TTC39B: variants seen among roughly 807,000 people sequenced by gnomAD.
The protein encoded by TTC39B is tetratricopeptide repeat domain 39B.
TTC39B carries 92 observed loss-of-function variants against 96.6 expected under a neutral mutation model. The ratio of observed to expected loss-of-function variants is 0.95; its 90% CI spans 0.80 to 1.13. The LOEUF is 1.13. TTC39B is among the 50% of genes most tolerant of loss of function. TTC39B has a pLI of 0.00. For missense variants in TTC39B, 955 were observed against 809.3 expected, an observed-to-expected ratio of 1.18 and a Z score of -2.18; for synonymous variants, 367 against 299.4, an observed-to-expected ratio of 1.23 and a Z score of -2.33.
chr9:15,225,484 C>A (rs77449133), intron 3 of TTC39B, among the ~76,000 whole-genome samples: 2,629 of 152,086 alleles, frequency 0.017, 72 homozygotes, highest in African/African-American at 0.06. Flanking sequence ...ATGGTTACAA[C>A]TGTATCAAGA....
At chr9:15,274,321 T>A (rs1823460904) in intron 1 of TTC39B, among the ~76,000 whole-genome samples, 1 of 152,240 alleles carries the variant, frequency 6.6e-6, no homozygotes, top group Admixed American at 6.5e-5. Context: ...CAAAAAGTAG[T>A]CCATGGCCTT....
intron 1 of TTC39B, among the ~76,000 whole-genome samples, chr9:15,293,376 G>C (rs1404159701): frequency 6.6e-6 from 1 of 152,192 alleles, no homozygotes; most frequent in Non-Finnish European, 1.5e-5. Flanking sequence ...GCACCTGGAG[G>C]TGGGCTGGTA....
chr9:15,213,810 A>T (rs1820344470), intron 4 of TTC39B, among the ~76,000 whole-genome samples: 1 of 152,150 alleles, frequency 6.6e-6, no homozygotes. Flanking sequence ...TCAAAGGAAA[A>T]TTTTCTCAAT....
intron 5 of TTC39B, 101 bp from the exon 6 acceptor site, chr9:15,210,265 A>G (rs1288499289): frequency 2.6e-6 from 2 of 758,730 alleles, no homozygotes; most frequent in East Asian, 2.7e-5. Flanking sequence ...CACACCAAAG[A>G]GTCAAAAAGC....
At position 15,175,206 on chromosome 9, in the gene TTC39B, A is replaced by G. The variant is rs561907213; in HGVS notation, c.1842-71T>C. 1.4e-5 allele frequency: 15 copies of G among 1,091,034 alleles called. No homozygotes were observed. In the South Asian group the frequency reaches 1.6e-4, roughly 12 times the overall value. 67.6% of individuals were successfully genotyped at this position (1,091,034 alleles called of 1,614,324 possible). On this transcript the variant is annotated intron_variant, in intron 18 of 19. Transcript: ENST00000512701. The stretch of plus-strand genomic sequence containing the variant: ...ATACACATTTTTCTAAATATATATT[A>G]TTCCCATTCTTCAGAAAACATGTGC...
chr9:15,288,675 T>C (rs934926696), intron 1 of TTC39B, among the ~76,000 whole-genome samples: 7 of 152,216 alleles, frequency 4.6e-5, no homozygotes, highest in African/African-American at 1.7e-4. Flanking sequence ...AAGAGGACAC[T>C]ATGCTGGTTA....
intron 1 of TTC39B, among the ~76,000 whole-genome samples, chr9:15,285,054 A>G (rs2616748): frequency 0.52 from 78,218 of 151,450 alleles, 20,346 homozygotes; most frequent in East Asian, 0.7. Flanking sequence ...GAGGTCAGGA[A>G]ATCGAGACCA....
At chr9:15,239,062 C>T (rs2131462623) in intron 2 of TTC39B, among the ~76,000 whole-genome samples, 1 of 151,974 alleles carries the variant, frequency 6.6e-6, no homozygotes, top group Middle Eastern at 3.4e-3. Context: ...TCAAACAACT[C>T]AACAAGAAAG....
At chr9:15,238,309 A>T (rs1821881552) in intron 2 of TTC39B, among the ~76,000 whole-genome samples, 1 of 152,216 alleles carries the variant, frequency 6.6e-6, no homozygotes, top group South Asian at 2.1e-4. Context: ...ATTGGAAAAA[A>T]GGAAGTCAAA....
chr9:15,178,399 C>A lies in TTC39B; in HGVS notation c.1724-585G>T, dbSNP rs114404577. On this transcript the variant is annotated intron_variant, in intron 17 of 19. Coordinates refer to ENST00000512701, the Ensembl canonical transcript of TTC39B. ...ACCAGCCTGGGCAATACAATGAGACCCCGTCTCTACAAAAAAAAATTTTTT... is the reference window on the plus strand; with the variant it reads ...ACCAGCCTGGGCAATACAATGAGACACCGTCTCTACAAAAAAAAATTTTTT... 6.2e-3 allele frequency among the ~76,000 whole-genome samples: 942 copies of A among 152,036 alleles called. 10 individuals are homozygous for A. Among genetic ancestry groups the A allele is most frequent in the African/African-American group, 0.021 (886 of 41,506 alleles).
At chr9:15,189,982 C>G (rs1022516409) in intron 11 of TTC39B, among the ~76,000 whole-genome samples, 190 bp from the exon 12 acceptor site, 2 of 152,292 alleles carry the variant, frequency 1.3e-5, no homozygotes, top group African/African-American at 4.8e-5. Flanking sequence ...TAAGAAAGCT[C>G]TAGGACACAC....
chr9:15,247,890 G>A (rs1428650587), intron 2 of TTC39B, among the ~76,000 whole-genome samples: 2 of 151,802 alleles, frequency 1.3e-5, no homozygotes, highest in African/African-American at 4.8e-5. Context: ...ACCAACCTAT[G>A]ACTAAGGGAC....
chr9:15,174,835 G>A (rs1299033384), intron 19 of TTC39B, among the ~76,000 whole-genome samples, 184 bp downstream of exon 19: 1 of 152,092 alleles, frequency 6.6e-6, no homozygotes, highest in Non-Finnish European at 1.5e-5. Context: ...GCAGTAAGAG[G>A]GTTGGAAACA....
At chr9:15,222,031 AG>A (rs1291358668) in intron 3 of TTC39B, among the ~76,000 whole-genome samples, 1 of 152,250 alleles carries the variant, frequency 6.6e-6, no homozygotes, top group Admixed American at 6.5e-5. Context: ...GGAAGAAGCA[AG>A]AAAGAGTAAC....
chr9:15,299,105 C>A (rs1824486493), intron 1 of TTC39B, among the ~76,000 whole-genome samples: 1 of 152,228 alleles, frequency 6.6e-6, no homozygotes, highest in African/African-American at 2.4e-5. Context: ...TGTCCCCACT[C>A]TCCACTAGAC....
At chr9:15,296,552 T>C (rs779336116) in intron 1 of TTC39B, among the ~76,000 whole-genome samples, 2 of 152,216 alleles carry the variant, frequency 1.3e-5, no homozygotes, top group African/African-American at 4.8e-5. Context: ...TGGAGCTCAA[T>C]AGCTCAATCT....
chr9:15,191,376 C>G, intron 9 of TTC39B, 121 bp from the exon 10 acceptor site: 2 of 636,884 alleles, frequency 3.1e-6, no homozygotes, highest in Non-Finnish European at 5.4e-6. Flanking sequence ...CAAGTTTTAA[C>G]CACCAGATAT....
rs566269149 is a variant in TTC39B, at chr9:15,171,574, AATG to A, written c.*442_*444del. ...GTCACTGTTAAGCTATTTTAAATGC[AATG>A]ATATTTATTTATCTTCTGAAATTTA... On this transcript the variant is annotated 3_prime_UTR_variant, in exon 20 of 20. Coordinates refer to ENST00000512701, the Ensembl canonical transcript of TTC39B. 7.3e-4 allele frequency: 113 copies of A among 153,906 alleles called. 1 individual carries two copies. The highest frequency in any genetic ancestry group is 9.1e-4 in the Admixed American group (14 of 15,418). The allele number at this position is 153,906 out of a possible 1,614,324, so 9.5% of individuals were successfully genotyped here. A position where few individuals can be genotyped will look rare whatever the true frequency, so the allele number is the denominator to read the frequency against.
intron 17 of TTC39B, among the ~76,000 whole-genome samples, chr9:15,180,783 C>G (rs1818209184): frequency 6.6e-6 from 1 of 152,178 alleles, no homozygotes; most frequent in Admixed American, 6.5e-5. Flanking sequence ...GGAAGGAGAA[C>G]AGGAGATAAT....
Sources: allele counts gnomAD v4.1 joint callset (sites outside exome capture counted in the v4.1 genomes callset), GRCh38; gene constraint gnomAD v4.1.1; transcripts MANE v1.5; gene names NCBI Gene and HGNC (gene_info 2026-07-23, HGNC 2026-07-21).